PPP4R2: variants seen among roughly 807,000 people sequenced by gnomAD.
PPP4R2 encodes protein phosphatase 4 regulatory subunit 2, also known as serine/threonine-protein phosphatase 4 regulatory subunit 2.
PPP4R2 carries 13 observed loss-of-function variants against 47.2 expected under a neutral mutation model. The ratio of observed to expected loss-of-function variants is 0.28; its 90% CI spans 0.18 to 0.44. The LOEUF is 0.44. PPP4R2 is among the 20% of genes least tolerant of loss of function. The pLI is 1.00. For synonymous variants in PPP4R2, 151 were observed against 163.3 expected, an observed-to-expected ratio of 0.92 and a Z score of 0.57; for missense variants, 421 against 491.2, an observed-to-expected ratio of 0.86 and a Z score of 1.35.
rs571156502 is a variant in PPP4R2, at chr3:73,050,569, C to G, written c.287+3213C>G. Reference sequence around the variant, plus strand: ...CCTCCCCCCATTTGTAATAGATAATCTTTAAATTACAAAAGCGGTGTATGT... The same window carrying G: ...CCTCCCCCCATTTGTAATAGATAATGTTTAAATTACAAAAGCGGTGTATGT... On this transcript the variant is annotated intron_variant, in intron 3 of 8. Transcript: ENST00000356692. Among the ~76,000 whole-genome samples the G allele has an allele frequency of 1.2e-4, 18 of 152,172 alleles. No individual in the cohort carries two copies. In the South Asian group the frequency reaches 3.7e-3, roughly 32 times the overall value.
intron 2 of PPP4R2, among the ~76,000 whole-genome samples, chr3:73,042,610 G>T (rs751419779): frequency 1.3e-5 from 2 of 151,844 alleles, no homozygotes; most frequent in Non-Finnish European, 2.9e-5. Context: ...TGATAAGCCC[G>T]CCTCGGCCTC....
intron 2 of PPP4R2, among the ~76,000 whole-genome samples, chr3:73,016,743 T>A (rs1158766337): frequency 1.9e-5 from 2 of 105,260 alleles, no homozygotes; most frequent in African/African-American, 8.1e-5. Context: ...ATTTTTATTA[T>A]TTTTTTTTTT....
chr3:73,063,797 T>C (rs368096084), intron 6 of PPP4R2, 50 bp downstream of exon 6: 57 of 1,305,216 alleles, frequency 4.4e-5, no homozygotes, highest in Non-Finnish European at 5.8e-5. Flanking sequence ...GTCCTGATTT[T>C]GAGTAGCAGG....
At chr3:72,997,313 T>C in intron 1 of PPP4R2, 1 of 391,862 alleles carries the variant, frequency 2.6e-6, no homozygotes, top group Non-Finnish European at 4.6e-6. Flanking sequence ...GGGGAAACTC[T>C]TGCGGGGGCC....
At chr3:73,016,967 C>T (rs1163210735) in intron 2 of PPP4R2, among the ~76,000 whole-genome samples, 1 of 151,950 alleles carries the variant, frequency 6.6e-6, no homozygotes, top group Non-Finnish European at 1.5e-5. Flanking sequence ...GCTGGGATTA[C>T]AGGCATGTGT....
chr3:72,997,968 T>TC, intron 1 of PPP4R2, 109 bp from the exon 2 acceptor site: 1 of 784,242 alleles, frequency 1.3e-6, no homozygotes. Flanking sequence ...CTTATTTTTT[T>TC]AATTTTGTAT....
intron 4 of PPP4R2, among the ~76,000 whole-genome samples, chr3:73,059,438 A>G (rs1356464919): frequency 6.6e-6 from 1 of 152,236 alleles, no homozygotes; most frequent in East Asian, 1.9e-4. Context: ...TTTTAACTTT[A>G]TAGAGTGTTT....
chr3:73,014,737 G>A (rs1309912452), intron 2 of PPP4R2, among the ~76,000 whole-genome samples: 2 of 152,078 alleles, frequency 1.3e-5, no homozygotes, highest in Non-Finnish European at 2.9e-5. Context: ...CATTGATAGA[G>A]TTGTTCCTTT....
At chr3:73,004,365 C>T (rs1422152078) in intron 2 of PPP4R2, among the ~76,000 whole-genome samples, 1 of 152,116 alleles carries the variant, frequency 6.6e-6, no homozygotes, top group East Asian at 1.9e-4. Flanking sequence ...TTGAAGGTCA[C>T]TTTGGCTGGA....
intron 2 of PPP4R2, among the ~76,000 whole-genome samples, chr3:73,003,334 C>T (rs899488154): frequency 6.6e-6 from 1 of 151,806 alleles, no homozygotes; most frequent in Non-Finnish European, 1.5e-5. Flanking sequence ...GCCTCAGCCT[C>T]CTGAGTAGCT....
At chr3:72,999,091 G>GA (rs939282026) in intron 2 of PPP4R2, among the ~76,000 whole-genome samples, 1 of 152,082 alleles carries the variant, frequency 6.6e-6, no homozygotes, top group Non-Finnish European at 1.5e-5. Context: ...ATTTTAGAAA[G>GA]AAAAAAACCT....
rs533297232 is a variant in PPP4R2, at chr3:73,056,774, C to G, written c.288-2263C>G. 4.2e-4 allele frequency among the ~76,000 whole-genome samples: 64 copies of G among 152,198 alleles called. 1 individual carries two copies. The highest frequency in any genetic ancestry group is 2.9e-3 in the South Asian group (14 of 4,826). ...TAATAATTGGCTACAATTTAACTTA[C>G]ATTTCTAAAGAAAATTAGCCAAAGC... On this transcript the variant is annotated intron_variant, in intron 3 of 8. Coordinates refer to ENST00000356692, the MANE Select transcript of PPP4R2 (RefSeq NM_174907.4).
At chr3:73,009,284 A>G (rs1333517629) in intron 2 of PPP4R2, among the ~76,000 whole-genome samples, 5 of 152,184 alleles carry the variant, frequency 3.3e-5, no homozygotes, top group Admixed American at 6.5e-5. Flanking sequence ...TTAGTGTTAA[A>G]GTGTCTGATA....
At chr3:73,061,960 T>C (rs561418244) in intron 5 of PPP4R2, 14 of 655,886 alleles carry the variant, frequency 2.1e-5, no homozygotes, top group African/African-American at 1.9e-4. Flanking sequence ...AGAAAAACTA[T>C]TAAAATGTAT....
At chr3:73,008,713 T>C (rs1373438887) in intron 2 of PPP4R2, among the ~76,000 whole-genome samples, 1 of 152,220 alleles carries the variant, frequency 6.6e-6, no homozygotes, top group African/African-American at 2.4e-5. Flanking sequence ...TAATAAAGTA[T>C]ATAGCTATAG....
At chr3:73,016,733 A>T (rs6774989) in intron 2 of PPP4R2, among the ~76,000 whole-genome samples, 12,018 of 101,448 alleles carry the variant, frequency 0.12, 2,348 homozygotes, top group East Asian at 0.19. Context: ...TTCATTGTTT[A>T]TTTTTATTAT....
At chr3:72,999,755 C>G (rs532918241) in intron 2 of PPP4R2, among the ~76,000 whole-genome samples, 70 of 152,176 alleles carry the variant, frequency 4.6e-4, no homozygotes, top group Non-Finnish European at 9.6e-4. Flanking sequence ...AATTCCCAAT[C>G]CTCCACCCCA....
chr3:73,029,160 T>A (rs1192638874), intron 2 of PPP4R2, among the ~76,000 whole-genome samples: 1 of 152,174 alleles, frequency 6.6e-6, no homozygotes, highest in Non-Finnish European at 1.5e-5. Flanking sequence ...AGGCTGGTTT[T>A]GAACCCCTGG....
chr3:73,027,018 C>T (rs1702080327), intron 2 of PPP4R2, among the ~76,000 whole-genome samples: 1 of 152,210 alleles, frequency 6.6e-6, no homozygotes, highest in South Asian at 2.1e-4. Flanking sequence ...ACATATGCTT[C>T]TGAAGATTGA....
Sources: gnomAD v4.1 joint callset for allele counts (sites outside exome capture counted in the v4.1 genomes callset) on GRCh38, gnomAD v4.1.1 for gene constraint, MANE v1.5 for transcripts, NCBI Gene and HGNC (gene_info 2026-07-23, HGNC 2026-07-21) for gene names.